ZNRF3: variants seen among roughly 807,000 people sequenced by gnomAD.
ZNRF3 encodes the protein E3 ubiquitin-protein ligase ZNRF3.
ZNRF3 carries 23 observed loss-of-function variants against 72.5 expected under a neutral mutation model. The ratio of observed to expected loss-of-function variants is 0.32; its 90% confidence interval spans 0.23 to 0.45. The LOEUF is 0.45. Ranked by LOEUF, ZNRF3 falls within the 20% of genes least tolerant of loss-of-function variation. The pLI is 1.00. For missense variants in ZNRF3, 1,169 were observed against 1,272.1 expected (o/e 0.92, Z 1.23); for synonymous variants, 610 against 545.3 (o/e 1.12, Z -1.65).
intron 1 of ZNRF3, among the ~76,000 whole-genome samples, chr22:28,960,692 G>A (rs562754747): frequency 2.9e-4 from 44 of 152,284 alleles, no homozygotes; most frequent in African/African-American, 1.0e-3. Flanking sequence ...GCCCCCTTTT[G>A]AAACTGGGTC....
Position 29,049,754 on chromosome 22 carries a change from A to G in ZNRF3, c.1573A>G (p.Ser525Gly). Residue 525 changes from serine to glycine, a missense_variant, in exon 8 of 9, where the codon AGC becomes GGC. Ser to Gly is a moderately conservative substitution (Grantham distance 56). Transcript: ENST00000544604. The surrounding 1 kb of genome is among the most constrained non-coding windows in gnomAD (Gnocchi z 5.2). ...VAPPSHLESG[S>G]TSSFSCYHGH... is the part of the protein sequence containing the mutation. ...CCCGCCCTCCCACCTGGAGAGCGGCAGCACGTCCAGCTTCAGCTGCTATCA... is the reference window on the plus strand; with the variant it reads ...CCCGCCCTCCCACCTGGAGAGCGGCGGCACGTCCAGCTTCAGCTGCTATCA... 1 of 1,594,348 alleles carries G rather than the reference A, an allele frequency of 6.3e-7. No individual in the cohort carries two copies. The highest frequency in any genetic ancestry group is 1.1e-5 in the South Asian group (1 of 89,312).
intron 1 of ZNRF3, among the ~76,000 whole-genome samples, chr22:28,974,676 C>T (rs1380855735): frequency 1.3e-5 from 2 of 152,168 alleles, no homozygotes; most frequent in African/African-American, 2.4e-5. Context: ...GAGACAGAGT[C>T]TCACTCTTGT....
chr22:29,007,478 T>C (rs1050058780), intron 2 of ZNRF3, among the ~76,000 whole-genome samples: 2 of 143,586 alleles, frequency 1.4e-5, no homozygotes, highest in Admixed American at 1.4e-4. Flanking sequence ...TCTCTACAAA[T>C]TTTTTTTTTT....
At chr22:28,965,818 G>A (rs2035449114) in intron 1 of ZNRF3, among the ~76,000 whole-genome samples, 1 of 152,218 alleles carries the variant, frequency 6.6e-6, no homozygotes, top group Admixed American at 6.5e-5. Flanking sequence ...GAATACGCAA[G>A]TGTTGGTAAT....
intron 1 of ZNRF3, among the ~76,000 whole-genome samples, chr22:28,918,273 A>G (rs554949743): frequency 1.3e-5 from 2 of 152,336 alleles, no homozygotes; most frequent in South Asian, 4.1e-4. Flanking sequence ...GGGCTGTACA[A>G]AAATACTTCC....
intron 2 of ZNRF3, among the ~76,000 whole-genome samples, chr22:29,017,341 G>T (rs987137628): frequency 6.6e-6 from 1 of 151,820 alleles, no homozygotes; most frequent in African/African-American, 2.4e-5. Context: ...CTGCCACGGC[G>T]CCTGCCACTC....
At chr22:28,889,409 A>G (rs1314243020) in intron 1 of ZNRF3, among the ~76,000 whole-genome samples, 1 of 152,162 alleles carries the variant, frequency 6.6e-6, no homozygotes, top group Admixed American at 6.5e-5. Flanking sequence ...AGAGCATTGA[A>G]TAATCCATTA....
At chr22:28,887,163 A>G (rs9625628) in intron 1 of ZNRF3, among the ~76,000 whole-genome samples, 10,391 of 151,962 alleles carry the variant, frequency 0.068, 456 homozygotes, top group East Asian at 0.12. Flanking sequence ...GAATTCTAAG[A>G]TAAGGAATTC....
intron 2 of ZNRF3, among the ~76,000 whole-genome samples, chr22:28,994,176 C>CTTTTTTTTTTTTTTTTTTTTTTTTGTTTT (rs2036005901): frequency 2.5e-5 from 1 of 39,790 alleles, no homozygotes; most frequent in Non-Finnish European, 4.4e-5. Context: ...CAGTTCCTTT[C>CTTTTTTTTTTTTTTTTTTTTTTTTGTTTT]TTTTTTTTTT....
intron 1 of ZNRF3, among the ~76,000 whole-genome samples, chr22:28,967,007 G>A (rs912845664): frequency 8.6e-5 from 13 of 151,514 alleles, no homozygotes; most frequent in Admixed American, 1.3e-4. Flanking sequence ...AGCCTCCTGA[G>A]TAGCTGGGAT....
intron 1 of ZNRF3, among the ~76,000 whole-genome samples, chr22:28,964,192 C>T (rs908883677): frequency 2.0e-5 from 3 of 152,150 alleles, no homozygotes; most frequent in African/African-American, 7.2e-5. Context: ...TCTAAGTTCA[C>T]ATACCAAGAA....
rs779050716 is a variant in ZNRF3, at chr22:29,050,876, G to C, written c.2695G>C (p.Ala899Pro). ...TGGCTGCCCTCCGGAGGAGGCGGGT[G>C]CTGTCAGGGCCAACTTCCCTAGTGC... ...RPGCPPEEAG[A>P]VRANFPSALQ... Residue 899 changes from alanine to proline, a missense_variant, in exon 8 of 9, where the codon GCT becomes CCT. Ala to Pro is a conservative substitution (Grantham distance 27). Around this residue, in one of 2 missense-constraint regions of ZNRF3, gnomAD observed 783 missense variants for 731.4 expected, o/e 1.07. Coordinates refer to ENST00000544604, the MANE Select transcript of ZNRF3 (RefSeq NM_001206998.2). The C allele has an allele frequency of 1.9e-6, 3 of 1,590,682 alleles. No homozygotes were observed. The East Asian group carries it at 6.7e-5, about 36-fold the overall frequency.
At chr22:28,897,197 G>A (rs185906989) in intron 1 of ZNRF3, among the ~76,000 whole-genome samples, 114 of 152,350 alleles carry the variant, frequency 7.5e-4, no homozygotes, top group Non-Finnish European at 9.4e-4. Flanking sequence ...CTACTGAGCT[G>A]TGTGAAGAGG....
rs1349388824 is a variant in ZNRF3 at position 29,053,619 on chromosome 22, C to T, written c.2808C>T (p.Ala936=). Residue 936 remains alanine (A), a synonymous_variant, in exon 9 of 9, where the codon GCC becomes GCT. Coordinates refer to ENST00000544604, the MANE Select transcript of ZNRF3 (RefSeq NM_001206998.2). ...SHSADSSSPG[A] ...CAGCAGACAGCAGCAGCCCGGGAGCCTGAGCTCAGGAGGAACTCTTACCTG... is the reference window on the plus strand; with the variant it reads ...CAGCAGACAGCAGCAGCCCGGGAGCTTGAGCTCAGGAGGAACTCTTACCTG... 1 of 1,613,484 alleles carries T rather than the reference C, an allele frequency of 6.2e-7. No homozygotes were observed. Among genetic ancestry groups the T allele is most frequent in the Non-Finnish European group, 8.5e-7 (1 of 1,179,648 alleles).
intron 2 of ZNRF3, among the ~76,000 whole-genome samples, chr22:29,017,137 G>C (rs2036451770): frequency 6.6e-6 from 1 of 152,178 alleles, no homozygotes; most frequent in African/African-American, 2.4e-5. Flanking sequence ...GCCACACAGG[G>C]TACACTTGTG....
chr22:29,016,030 CAAAA>C (rs968548306), intron 2 of ZNRF3, among the ~76,000 whole-genome samples: 1 of 137,912 alleles, frequency 7.3e-6, no homozygotes, highest in African/African-American at 2.8e-5. Context: ...AAAAAAAAAA[CAAAA>C]AAACTGAAAC....
chr22:29,049,135 C>G lies in ZNRF3; in HGVS notation c.1016-62C>G. On this transcript the variant is annotated intron_variant, in intron 7 of 8. Coordinates refer to ENST00000544604, the MANE Select transcript of ZNRF3 (RefSeq NM_001206998.2). The surrounding 1 kb of genome is among the most constrained non-coding windows in gnomAD (Gnocchi z 5.2). ...CAGCCTTTGCCCGTTTTAAAAATCC[C>G]TTTAGCCTCTGACACCAGTATGCTC... 6.6e-7 allele frequency: 1 copy of G among 1,507,340 alleles called. No individual in the cohort carries two copies. The highest frequency in any genetic ancestry group is 1.3e-5 in the South Asian group (1 of 75,758). 93.4% of individuals were successfully genotyped at this position (1,507,340 alleles called of 1,614,324 possible). A position where few individuals can be genotyped will look rare whatever the true frequency, so the allele number is the denominator to read the frequency against.
intron 1 of ZNRF3, among the ~76,000 whole-genome samples, chr22:28,964,457 T>C (rs924847265): frequency 6.6e-6 from 1 of 151,764 alleles, no homozygotes; most frequent in African/African-American, 2.4e-5. Context: ...GGCAGAGGGG[T>C]GAGGGGAACA....
intron 1 of ZNRF3, among the ~76,000 whole-genome samples, chr22:28,948,085 C>T (rs373550469): frequency 4.7e-4 from 72 of 152,240 alleles, no homozygotes; most frequent in African/African-American, 1.7e-3. Flanking sequence ...CCTTCTGATC[C>T]GCCCACCTTG....
Sources: gnomAD v4.1 joint callset for allele counts (sites outside exome capture counted in the v4.1 genomes callset) on GRCh38, gnomAD v4.1.1 for gene constraint, gnomAD v4.1.1 regional missense constraint, Gnocchi (gnomAD v3.1) non-coding constraint, MANE v1.5 for transcripts, NCBI Gene and HGNC (gene_info 2026-07-23, HGNC 2026-07-21) for gene names.